Variants in NOX4 observed in about 807,000 individuals in gnomAD.
NOX4 encodes the protein kidney oxidase-1.
Under a neutral mutation model 87.6 loss-of-function variants are expected in NOX4, and 69 were observed. The ratio of observed to expected loss-of-function variants is 0.79; its 90% CI spans 0.65 to 0.96. The LOEUF (loss-of-function observed/expected upper bound fraction) is 0.96, where lower values mean the gene tolerates loss of function less well. Ranked by LOEUF, NOX4 falls within the 40% of genes least tolerant of loss-of-function variation. The pLI, the probability that NOX4 is intolerant of heterozygous loss-of-function variation, is 0.00. For missense variants in NOX4, 680 were observed against 681.5 expected (o/e 1.00, Z 0.02); for synonymous variants, 275 against 238.2 (o/e 1.15, Z -1.42).
At chr11:89,497,125 G>A (rs1565359053), upstream of NOX4, among the ~76,000 whole-genome samples, 1 of 152,222 alleles carries the variant, frequency 6.6e-6, no homozygotes, top group African/African-American at 2.4e-5. Context: ...CATCCCAGGT[G>A]TGTAGAGATT....
At chr11:89,535,390 T>C in the NOX4 span, among the ~76,000 whole-genome samples, 1 of 152,274 alleles carries the variant, frequency 6.6e-6, no homozygotes, top group South Asian at 2.1e-4. Context: ...GTGTTCCCTA[T>C]GGGACTCTCA....
intron 11 of NOX4, among the ~76,000 whole-genome samples, chr11:89,396,463 G>T (rs1233306960): frequency 6.6e-6 from 1 of 152,000 alleles, no homozygotes; most frequent in East Asian, 1.9e-4. Flanking sequence ...GGGAAAATTT[G>T]ACTTCCTCTT....
chr11:89,580,014 T>A, the NOX4 span, among the ~76,000 whole-genome samples: 3 of 152,106 alleles, frequency 2.0e-5, no homozygotes, highest in East Asian at 5.8e-4. Context: ...AACGCTTAGA[T>A]TGCATCCTGG....
At chr11:89,486,688 GTATATATACATATA>G (rs1946638289) in intron 2 of NOX4, among the ~76,000 whole-genome samples, 1 of 45,610 alleles carries the variant, frequency 2.2e-5, no homozygotes, top group African/African-American at 1.4e-4. Flanking sequence ...GTATATATGT[GTATATATACATATA>G]TGTGTGTATA....
chr11:89,349,255 C>T (rs887091655), intron 13 of NOX4, among the ~76,000 whole-genome samples: 1 of 151,710 alleles, frequency 6.6e-6, no homozygotes, highest in African/African-American at 2.4e-5. Flanking sequence ...CCACTGCACG[C>T]CAGCCTAGGC....
chr11:89,470,100 T>C (rs372942696), intron 2 of NOX4, among the ~76,000 whole-genome samples: 1 of 143,352 alleles, frequency 7.0e-6, no homozygotes, highest in East Asian at 2.1e-4. Context: ...ATAATAATAA[T>C]AAGATACCTA....
the NOX4 span, among the ~76,000 whole-genome samples, chr11:89,562,639 G>GT: frequency 6.6e-6 from 1 of 152,160 alleles, no homozygotes; most frequent in African/African-American, 2.4e-5. Flanking sequence ...ATGAGACTAT[G>GT]TATTTGTCAT....
chr11:89,374,821 G>A (rs1401033181), intron 11 of NOX4, among the ~76,000 whole-genome samples: 1 of 152,156 alleles, frequency 6.6e-6, no homozygotes, highest in African/African-American at 2.4e-5. Flanking sequence ...ACAGGTGAAA[G>A]AAAATGGCAG....
chr11:89,477,633 G>GAGGT (rs1435565269), intron 2 of NOX4, among the ~76,000 whole-genome samples: 1 of 152,140 alleles, frequency 6.6e-6, no homozygotes, highest in Non-Finnish European at 1.5e-5. Context: ...GTTATGAACT[G>GAGGT]AGGTATATGT....
the NOX4 span, among the ~76,000 whole-genome samples, chr11:89,504,840 C>CTTGATACTG: frequency 6.6e-6 from 1 of 151,944 alleles, no homozygotes; most frequent in East Asian, 1.9e-4. Context: ...GAAAGATCTT[C>CTTGATACTG]TTGATACTGT....
chr11:89,467,770 T>C (rs775736043), intron 2 of NOX4, among the ~76,000 whole-genome samples: 1 of 152,198 alleles, frequency 6.6e-6, no homozygotes, highest in Non-Finnish European at 1.5e-5. Flanking sequence ...ATTCAGTCCA[T>C]AGCACAGAAT....
intron 12 of NOX4, among the ~76,000 whole-genome samples, chr11:89,367,620 A>C (rs577892890): frequency 6.6e-6 from 1 of 152,030 alleles, no homozygotes; most frequent in South Asian, 2.1e-4. Flanking sequence ...TTTGCTTGAC[A>C]CTAAAAAATC....
At chr11:89,522,379 CCA>C in the NOX4 span, among the ~76,000 whole-genome samples, 1 of 152,086 alleles carries the variant, frequency 6.6e-6, no homozygotes, top group Non-Finnish European at 1.5e-5. Flanking sequence ...CAGCTGGAGG[CCA>C]TTATCTTAAG....
the NOX4 span, among the ~76,000 whole-genome samples, chr11:89,578,480 TC>T: frequency 1.3e-5 from 2 of 152,308 alleles, no homozygotes; most frequent in African/African-American, 4.8e-5. Context: ...TTAAATCATT[TC>T]TAATAGATAT....
chr11:89,326,850 C>T lies in NOX4; in HGVS notation c.1643G>A (p.Gly548Glu). 6.2e-7 allele frequency: 1 copy of T among 1,613,066 alleles called. No individual in the cohort carries two copies. Among genetic ancestry groups the T allele is most frequent in the Non-Finnish European group, 8.5e-7 (1 of 1,179,482 alleles). Residue 548 changes from glycine to glutamate, a missense_variant, in exon 18 of 18, where the codon GGA (glycine) becomes GAA (glutamate). Coordinates refer to ENST00000263317, the MANE Select transcript of NOX4 (RefSeq NM_016931.5). ...RGKTVGVFCC[G>E]PNSLSKTLHK... ...AAGAGTCTTGGATAGTGAATTGGGT[C>T]CACAACAGAAAACACCAACTGTTTT...
At chr11:89,356,475 T>C (rs532299723) in intron 12 of NOX4, among the ~76,000 whole-genome samples, 8 of 151,458 alleles carry the variant, frequency 5.3e-5, no homozygotes, top group Non-Finnish European at 1.0e-4. Context: ...ACCTTGGAAA[T>C]ACTTACGTTG....
chr11:89,429,254 G>A (rs530257430), intron 7 of NOX4, among the ~76,000 whole-genome samples: 1 of 152,282 alleles, frequency 6.6e-6, no homozygotes, highest in Non-Finnish European at 1.5e-5. Context: ...ACAAGAGAAA[G>A]CAGGAAAGAT....
intron 7 of NOX4, 119 bp from the exon 8 acceptor site, chr11:89,422,101 C>T (rs1280612279): frequency 1.9e-6 from 1 of 538,102 alleles, no homozygotes; most frequent in African/African-American, 2.0e-5. Flanking sequence ...AACATGAGTA[C>T]ATCATATTAA....
chr11:89,504,294 A>T, the NOX4 span, among the ~76,000 whole-genome samples: 1 of 152,052 alleles, frequency 6.6e-6, no homozygotes, highest in Middle Eastern at 3.4e-3. Flanking sequence ...CACTGGGGAG[A>T]CAGACAGCGT....
Sources: allele counts gnomAD v4.1 joint callset (sites outside exome capture counted in the v4.1 genomes callset), GRCh38; gene constraint gnomAD v4.1.1; transcripts MANE v1.5; gene names NCBI Gene and HGNC (gene_info 2026-07-23, HGNC 2026-07-21).